The following DTNBP1 variants were observed in gnomAD, a reference collection of about 807,000 sequenced individuals.
The protein encoded by DTNBP1 is dystrobrevin binding protein 1.
In DTNBP1, 35 loss-of-function variants were observed where a neutral mutation model predicts 42.8. That is an observed-to-expected ratio of 0.82 (90% CI 0.63 to 1.09). DTNBP1 has a LOEUF of 1.09. Ranked by LOEUF, DTNBP1 falls within the 50% of genes least tolerant of loss-of-function variation. DTNBP1 has a pLI of 0.00. For synonymous variants in DTNBP1, 171 were observed against 162.2 expected, an observed-to-expected ratio of 1.05 and a Z score of -0.41; for missense variants, 457 against 424.2, an observed-to-expected ratio of 1.08 and a Z score of -0.68.
rs766763171 is a variant in DTNBP1 at position 15,663,022 on chromosome 6, C to T, written c.-153G>A. ...CGGTCTGGTCCTCGCCGCCGCGCCG[C>T]AACCCCAGCCCCTTCCGCGTTCCCG... On this transcript the variant is annotated 5_prime_UTR_variant, in exon 1 of 10. Coordinates refer to ENST00000344537, the MANE Select transcript of DTNBP1 (RefSeq NM_032122.5). 3 of 1,093,754 alleles carry T rather than the reference C, an allele frequency of 2.7e-6. No individual in the cohort carries two copies. The highest frequency in any genetic ancestry group is 2.8e-5 in the East Asian group (1 of 35,550). 67.8% of individuals were successfully genotyped at this position (1,093,754 alleles called of 1,614,324 possible).
intron 7 of DTNBP1, among the ~76,000 whole-genome samples, chr6:15,575,113 A>C (rs1457384115): frequency 1.3e-5 from 2 of 152,208 alleles, no homozygotes; most frequent in Admixed American, 6.5e-5. Context: ...AGGAAAGCCA[A>C]GCTGCGTGTG....
chr6:15,550,266 A>G (rs1340785628), intron 7 of DTNBP1, among the ~76,000 whole-genome samples: 1 of 152,218 alleles, frequency 6.6e-6, no homozygotes, highest in Non-Finnish European at 1.5e-5. Context: ...AAAAATTCTA[A>G]TCTAGGACAA....
intron 8 of DTNBP1, among the ~76,000 whole-genome samples, chr6:15,530,297 C>T (rs953908397): frequency 1.3e-5 from 2 of 152,178 alleles, no homozygotes; most frequent in Non-Finnish European, 2.9e-5. Context: ...TGCCCGATTC[C>T]CGTGTGTGGC....
At chr6:15,565,809 T>C (rs1005493477) in intron 7 of DTNBP1, among the ~76,000 whole-genome samples, 1 of 152,200 alleles carries the variant, frequency 6.6e-6, no homozygotes, top group African/African-American at 2.4e-5. Flanking sequence ...ATGGTACACT[T>C]AGAATGGGAA....
At chr6:15,660,125 A>G (rs925998077) in intron 1 of DTNBP1, among the ~76,000 whole-genome samples, 3 of 152,264 alleles carry the variant, frequency 2.0e-5, no homozygotes, top group African/African-American at 4.8e-5. Context: ...AATTGATAAT[A>G]TCAAAAAATT....
rs367679894 is a variant in DTNBP1, at chr6:15,553,523, C to T, written c.512-20128G>A. Among the ~76,000 whole-genome samples the T allele has an allele frequency of 9.6e-5, 14 of 145,958 alleles. No individual in the cohort carries two copies. In the East Asian group the frequency reaches 2.6e-3, roughly 27 times the overall value. ...CTTCCAAAGTCTTTTATCTATCTTT[C>T]CTCACATGCAGAGGAACAACTTCAT... is the stretch of plus-strand genomic sequence containing the variant. On this transcript the variant is annotated intron_variant, in intron 7 of 9. Coordinates refer to ENST00000344537, the MANE Select transcript of DTNBP1 (RefSeq NM_032122.5).
At chr6:15,660,296 A>G (rs1761529705) in intron 1 of DTNBP1, 1 of 1,244,686 alleles carries the variant, frequency 8.0e-7, no homozygotes. Context: ...CCTCAAGGCA[A>G]AAATAATCAG....
intron 3 of DTNBP1, among the ~76,000 whole-genome samples, chr6:15,649,035 A>C (rs946732483): frequency 1.2e-4 from 19 of 152,164 alleles, no homozygotes; most frequent in African/African-American, 4.6e-4. Flanking sequence ...GGATAGGAAG[A>C]AATTAGAACC....
chr6:15,528,622 C>T (rs773162337), intron 8 of DTNBP1, among the ~76,000 whole-genome samples: 13 of 152,176 alleles, frequency 8.5e-5, no homozygotes, highest in Non-Finnish European at 1.2e-4. Flanking sequence ...ATTTAAAAAT[C>T]TGATGCTACC....
chr6:15,598,801 A>G (rs1776613908), intron 6 of DTNBP1, among the ~76,000 whole-genome samples: 1 of 152,216 alleles, frequency 6.6e-6, no homozygotes, highest in African/African-American at 2.4e-5. Flanking sequence ...TTATTCTTAT[A>G]CAAAACCAGC....
intron 5 of DTNBP1, 91 bp downstream of exon 5, chr6:15,627,252 T>G (rs372105794): frequency 3.3e-6 from 5 of 1,513,292 alleles, no homozygotes; most frequent in African/African-American, 2.8e-5. Context: ...CAGAATTTCA[T>G]GTGTTCCTGA....
intron 7 of DTNBP1, among the ~76,000 whole-genome samples, chr6:15,543,181 T>C (rs917221798): frequency 6.6e-6 from 1 of 152,126 alleles, no homozygotes; most frequent in Non-Finnish European, 1.5e-5. Flanking sequence ...CAGGGATTTT[T>C]CCCCCCATTA....
Position 15,586,614 on chromosome 6 carries a change from A to G in DTNBP1, c.511+6445T>C, listed in dbSNP as rs78152075. On this transcript the variant is annotated intron_variant, in intron 7 of 9. Coordinates refer to ENST00000344537, the MANE Select transcript of DTNBP1 (RefSeq NM_032122.5). ...TCCTTTAGCCTTAGCTTTTGAAAGC[A>G]TTGTCTCTACTCCCTCATTCATTTA... Among the ~76,000 whole-genome samples, 487 of 152,148 alleles carry G rather than the reference A, an allele frequency of 3.2e-3. 3 individuals carry two copies. Among genetic ancestry groups the G allele is most frequent in the African/African-American group, 0.011 (451 of 41,506 alleles).
chr6:15,526,511 T>C (rs1199265940), intron 8 of DTNBP1, among the ~76,000 whole-genome samples: 1 of 152,098 alleles, frequency 6.6e-6, no homozygotes, highest in East Asian at 1.9e-4. Context: ...TGGGGAAAAG[T>C]ATTATGGTTT....
chr6:15,611,127 C>T (rs1168401852), intron 6 of DTNBP1, among the ~76,000 whole-genome samples: 1 of 152,170 alleles, frequency 6.6e-6, no homozygotes, highest in Admixed American at 6.5e-5. Context: ...GGGACTAATA[C>T]AACTGGTGAC....
chr6:15,523,974 C>A (rs534705282), intron 9 of DTNBP1: 1 of 1,287,632 alleles, frequency 7.8e-7, no homozygotes, highest in Non-Finnish European at 1.0e-6. Context: ...TTGAAACGCA[C>A]CAAGCCCAGG....
Position 15,524,387 on chromosome 6 carries a change from G to A in DTNBP1, c.811+139C>T, listed in dbSNP as rs750126438. The stretch of plus-strand genomic sequence containing the variant: ...TGCCACACAGCCGTGTGGAACCGTG[G>A]GGTTAGGGAGCCAGGAGCTGGCTGT... On this transcript the variant is annotated intron_variant, in intron 9 of 9. Transcript: ENST00000344537. 1.9e-6 allele frequency: 3 copies of A among 1,614,070 alleles called. No individual in the cohort carries two copies. In the South Asian group the frequency reaches 3.3e-5, roughly 18 times the overall value.
chr6:15,628,422 T>TTTTTTA (rs1759482625), intron 4 of DTNBP1, among the ~76,000 whole-genome samples: 1 of 148,110 alleles, frequency 6.8e-6, no homozygotes, highest in African/African-American at 2.5e-5. Context: ...TTTTTTTTTT[T>TTTTTTA]GAGACGAAGT....
At chr6:15,610,188 T>C (rs184308750) in intron 6 of DTNBP1, among the ~76,000 whole-genome samples, 46 of 152,308 alleles carry the variant, frequency 3.0e-4, no homozygotes, top group Admixed American at 2.0e-4. Flanking sequence ...CAAGGGATCT[T>C]ACTTCACATA....
Sources: gnomAD v4.1 joint callset for allele counts (sites outside exome capture counted in the v4.1 genomes callset) on GRCh38, gnomAD v4.1.1 for gene constraint, MANE v1.5 for transcripts, NCBI Gene and HGNC (gene_info 2026-07-23, HGNC 2026-07-21) for gene names.